SCFD1: variants seen among roughly 807,000 people sequenced by gnomAD.
SCFD1 encodes the protein sec1 family domain-containing protein 1.
In SCFD1, 37 loss-of-function variants were observed where a neutral mutation model predicts 103.2. That is an observed-to-expected ratio of 0.36 (90% CI 0.28 to 0.47). The LOEUF is 0.47. SCFD1 is among the 20% of genes least tolerant of loss of function. The pLI is 1.00. For missense variants in SCFD1, 639 were observed against 761.2 expected, an observed-to-expected ratio of 0.84 and a Z score of 1.89; for synonymous variants, 264 against 245.0, an observed-to-expected ratio of 1.08 and a Z score of -0.73.
chr14:30,722,653 T>A (rs1892732015), intron 23 of SCFD1, 94 bp downstream of exon 23: 1 of 647,380 alleles, frequency 1.5e-6, no homozygotes, highest in Non-Finnish European at 2.5e-6. Flanking sequence ...CTTCTATAAC[T>A]TCTTTTCTAA....
Position 30,634,047 on chromosome 14 carries a change from G to T in SCFD1, c.312+10G>T, listed in dbSNP as rs778752472. 6.7e-7 allele frequency: 1 copy of T among 1,482,700 alleles called. No homozygotes were observed. Among genetic ancestry groups the T allele is most frequent in the Non-Finnish European group, 9.2e-7 (1 of 1,085,432 alleles). The allele number at this position is 1,482,700 out of a possible 1,614,324, so 91.8% of individuals were successfully genotyped here. Reference sequence around the variant, plus strand: ...TGACAGAATGTGCCAGGTAATATGGGTTCTTATTTTCTGGACTCCTGAATT... The same window carrying T: ...TGACAGAATGTGCCAGGTAATATGGTTTCTTATTTTCTGGACTCCTGAATT... On this transcript the variant is annotated intron_variant, in intron 4 of 24. Transcript: ENST00000458591.
chr14:30,673,891 T>C (rs1383285131), intron 12 of SCFD1, 33 bp from the exon 13 acceptor site: 1 of 1,465,890 alleles, frequency 6.8e-7, no homozygotes, highest in African/African-American at 1.4e-5. Flanking sequence ...CTGGGATTTT[T>C]GAGTAGCTAT....
chr14:30,629,420 G>A (rs552060985), intron 2 of SCFD1, among the ~76,000 whole-genome samples: 2 of 152,052 alleles, frequency 1.3e-5, no homozygotes, highest in South Asian at 2.1e-4. Flanking sequence ...TACCAGTTGA[G>A]GATCTCTTTT....
At chr14:30,657,623 T>C (rs894297981) in intron 10 of SCFD1, among the ~76,000 whole-genome samples, 1 of 152,144 alleles carries the variant, frequency 6.6e-6, no homozygotes, top group African/African-American at 2.4e-5. Context: ...TGTTTATTAA[T>C]CTTAATGCAG....
At chr14:30,721,732 G>GC in intron 21 of SCFD1, 152 bp from the exon 22 acceptor site, 2 of 634,384 alleles carry the variant, frequency 3.2e-6, no homozygotes, top group Non-Finnish European at 5.5e-6. Flanking sequence ...ACCTGGCTCA[G>GC]CAAAATTAAA....
chr14:30,626,336 C>A (rs28567474), intron 1 of SCFD1, among the ~76,000 whole-genome samples: 1 of 151,692 alleles, frequency 6.6e-6, no homozygotes, highest in Non-Finnish European at 1.5e-5. Flanking sequence ...ATAGCAATAA[C>A]TTAAGCGTGC....
At chr14:30,639,170 C>G (rs1232793524) in intron 5 of SCFD1, among the ~76,000 whole-genome samples, 3 of 152,066 alleles carry the variant, frequency 2.0e-5, no homozygotes, top group African/African-American at 7.2e-5. Context: ...CGTACCACCC[C>G]ACCCAGCTAA....
chr14:30,650,516 T>G, intron 8 of SCFD1, 49 bp from the exon 9 acceptor site: 2 of 1,100,616 alleles, frequency 1.8e-6, no homozygotes, highest in Non-Finnish European at 2.8e-6. Flanking sequence ...TTAACCTCCA[T>G]AAAGTTATAT....
chr14:30,643,280 G>A, intron 6 of SCFD1, 36 bp from the exon 7 acceptor site: 4 of 1,280,816 alleles, frequency 3.1e-6, no homozygotes, highest in Non-Finnish European at 4.6e-6. Flanking sequence ...GCATAAGTTT[G>A]GGTCAACTTT....
At chr14:30,707,754 T>C (rs1208083759) in intron 18 of SCFD1, 2 of 520,754 alleles carry the variant, frequency 3.8e-6, no homozygotes, top group Non-Finnish European at 3.6e-6. Context: ...TTTTGTATTT[T>C]TTAATAATTA....
At chr14:30,712,449 G>GA (rs896103461) in intron 19 of SCFD1, among the ~76,000 whole-genome samples, 12 of 150,870 alleles carry the variant, frequency 8.0e-5, no homozygotes, top group Non-Finnish European at 1.3e-4. Flanking sequence ...GAACTCAAAG[G>GA]AAAAAAAACA....
intron 10 of SCFD1, among the ~76,000 whole-genome samples, chr14:30,661,473 T>C (rs1006269081): frequency 6.6e-6 from 1 of 152,172 alleles, no homozygotes; most frequent in African/African-American, 2.4e-5. Flanking sequence ...TTAATATATA[T>C]GTATCTGTTG....
chr14:30,656,391 A>T (rs1886907381), intron 10 of SCFD1, among the ~76,000 whole-genome samples: 1 of 152,122 alleles, frequency 6.6e-6, no homozygotes, highest in Non-Finnish European at 1.5e-5. Flanking sequence ...GTGGACCAGG[A>T]TTTCTCAACC....
At chr14:30,682,785 G>A (rs1027529308) in intron 14 of SCFD1, among the ~76,000 whole-genome samples, 2 of 152,116 alleles carry the variant, frequency 1.3e-5, no homozygotes, top group African/African-American at 4.8e-5. Flanking sequence ...AATATAAACA[G>A]TCTTCAGCTT....
At chr14:30,680,752 C>A (rs1436333041) in intron 14 of SCFD1, among the ~76,000 whole-genome samples, 1 of 152,018 alleles carries the variant, frequency 6.6e-6, no homozygotes, top group Non-Finnish European at 1.5e-5. Flanking sequence ...CATAGCAAGA[C>A]CCCCATCTCA....
At position 30,639,697 on chromosome 14, in the gene SCFD1, G is replaced by C. The variant is rs1478428581; in HGVS notation, c.436-80G>C. 5 of 1,358,748 alleles carry C rather than the reference G, an allele frequency of 3.7e-6. No individual in the cohort carries two copies. In the African/African-American group the frequency reaches 7.5e-5, roughly 20 times the overall value. 84.2% of individuals were successfully genotyped at this position (1,358,748 alleles called of 1,614,324 possible). A position where few individuals can be genotyped will look rare whatever the true frequency, so the allele number is the denominator to read the frequency against. On this transcript the variant is annotated intron_variant, in intron 5 of 24. Transcript: ENST00000458591. ...GGATTTTTTTTCATTTCTACCATTG[G>C]TAGGTTAGAGCAAACTAAATTTACT...
At chr14:30,708,089 T>C in intron 19 of SCFD1, 24 bp downstream of exon 19, 1 of 1,468,420 alleles carries the variant, frequency 6.8e-7, no homozygotes, top group South Asian at 1.1e-5. Flanking sequence ...TTAGAAAACA[T>C]ACTGGTAACT....
intron 7 of SCFD1, among the ~76,000 whole-genome samples, chr14:30,646,682 T>G (rs529560956): frequency 6.6e-6 from 1 of 152,284 alleles, no homozygotes; most frequent in East Asian, 1.9e-4. Context: ...TGGAATAATA[T>G]TAGTAGTATT....
At chr14:30,735,557 TTTATG>T in intron 24 of SCFD1, 24 bp from the exon 25 acceptor site, 2 of 1,514,478 alleles carry the variant, frequency 1.3e-6, no homozygotes, top group Non-Finnish European at 1.8e-6. Context: ...TTTTAAAAGT[TTTATG>T]TATGATTTTG....
Sources: allele counts gnomAD v4.1 joint callset (sites outside exome capture counted in the v4.1 genomes callset), GRCh38; gene constraint gnomAD v4.1.1; transcripts MANE v1.5; gene names NCBI Gene and HGNC (gene_info 2026-07-23, HGNC 2026-07-21).